CYB5D2: variants seen among roughly 807,000 people sequenced by gnomAD.
CYB5D2 encodes cytochrome b5 domain containing 2.
A neutral mutation model predicts 22.8 loss-of-function variants in CYB5D2; 23 were observed. That is an observed-to-expected ratio of 1.01 (90% CI 0.73 to 1.43). The LOEUF (loss-of-function observed/expected upper bound fraction) is 1.43, where lower values mean the gene tolerates loss of function less well. Ranked by LOEUF, CYB5D2 falls within the 40% of genes most tolerant of loss-of-function variation. The probability of loss-of-function intolerance (pLI) is 0.00; values close to 1 mark genes in which losing one functional copy is unlikely to be tolerated. For missense variants in CYB5D2, 373 were observed against 357.2 expected (o/e 1.04, Z -0.36); for synonymous variants, 170 against 152.2 (o/e 1.12, Z -0.86).
At position 4,157,151 on chromosome 17, in the gene CYB5D2, G is replaced by C; in HGVS notation, c.*69G>C. ...GCACCTGAGTAGGCCCTTGACACTT[G>C]TGTGCCCTGGGATGCCTCCTGGCGC... On this transcript the variant is annotated 3_prime_UTR_variant, in exon 4 of 4. Coordinates refer to ENST00000301391, the MANE Select transcript of CYB5D2 (RefSeq NM_144611.4). This position sits in a 1 kb window ranked among gnomAD's most constrained non-coding sequence, Gnocchi z 4.4. The C allele has an allele frequency of 8.4e-6, 13 of 1,541,730 alleles. No homozygotes were observed. Among genetic ancestry groups the C allele is most frequent in the Non-Finnish European group, 1.2e-5 (13 of 1,130,172 alleles).
At chr17:4,147,767 T>C (rs1398053284) in intron 1 of CYB5D2, among the ~76,000 whole-genome samples, 4 of 151,998 alleles carry the variant, frequency 2.6e-5, no homozygotes, top group Non-Finnish European at 4.4e-5. Flanking sequence ...GCAGGAGAAT[T>C]GCTTGAACCT....
At chr17:4,145,501 T>G (rs2058980185) in intron 1 of CYB5D2, among the ~76,000 whole-genome samples, 1 of 152,322 alleles carries the variant, frequency 6.6e-6, no homozygotes, top group African/African-American at 2.4e-5. Flanking sequence ...GAGCTGTCGT[T>G]GGATGTTTGC....
Position 4,150,018 on chromosome 17 carries a change from TTA to T in CYB5D2, c.380_381del (p.Tyr127CysfsTer82). On this transcript the variant is annotated frameshift_variant, in exon 2 of 4. Coordinates refer to ENST00000301391, the MANE Select transcript of CYB5D2 (RefSeq NM_144611.4). LOFTEE classifies it high-confidence loss of function. The stretch of plus-strand genomic sequence containing the variant: ...ATTGGCTTTCATTCTATGAGAAGAA[TTA>T]TGTGTGTGTTGGTAAGTCGTCCATA... Reference protein sequence around the residue: ...HNWLSFYEKNYVCVGRVTGRF... With the variant: ...HNWLSFYEKNXVCVGRVTGRF... The T allele has an allele frequency of 6.2e-7, 1 of 1,614,068 alleles. No homozygotes were observed. Among genetic ancestry groups the T allele is most frequent in the Non-Finnish European group, 8.5e-7 (1 of 1,180,012 alleles).
At chr17:4,149,798 CA>C (rs138353200) in intron 1 of CYB5D2, 92 bp from the exon 2 acceptor site, 2,974 of 1,319,834 alleles carry the variant, frequency 2.3e-3, no homozygotes, top group East Asian at 4.1e-3. Context: ...GACTCCGTCT[CA>C]AAAAAAAAAG....
chr17:4,154,664 G>C lies in CYB5D2; in HGVS notation c.392-10G>C. 1 of 1,611,964 alleles carries C rather than the reference G, an allele frequency of 6.2e-7. No individual in the cohort carries two copies. Among genetic ancestry groups the C allele is most frequent in the Non-Finnish European group, 8.5e-7 (1 of 1,178,830 alleles). The stretch of plus-strand genomic sequence containing the variant: ...CACTCTCACTCACATCTGCCTTCCT[G>C]TCATCACAGGGAGGGTGACAGGACG... On this transcript the variant is annotated splice_polypyrimidine_tract_variant and intron_variant, in intron 2 of 3. Transcript: ENST00000301391.
intron 1 of CYB5D2, among the ~76,000 whole-genome samples, chr17:4,145,699 G>A (rs955326969): frequency 7.2e-5 from 11 of 152,190 alleles, no homozygotes; most frequent in African/African-American, 1.7e-4. Flanking sequence ...CAGTCTAGTT[G>A]GGAAGCAGTT....
At chr17:4,152,005 CA>C (rs112798736) in intron 2 of CYB5D2, among the ~76,000 whole-genome samples, 4,719 of 88,616 alleles carry the variant, frequency 0.053, 175 homozygotes, top group African/African-American at 0.16. Flanking sequence ...GACCCTGTCT[CA>C]AAAAAAAAAA....
chr17:4,156,758 G>A, intron 3 of CYB5D2, 108 bp from the exon 4 acceptor site: 1 of 1,198,676 alleles, frequency 8.3e-7, no homozygotes, highest in Middle Eastern at 2.9e-4. Context: ...GAAACACTCT[G>A]GTAGGCTTCT....
At chr17:4,153,926 T>C (rs1039127775) in intron 2 of CYB5D2, among the ~76,000 whole-genome samples, 1 of 152,216 alleles carries the variant, frequency 6.6e-6, no homozygotes, top group Non-Finnish European at 1.5e-5. Context: ...AAGGTAAAGC[T>C]AGTTCTTAGG....
intron 1 of CYB5D2, 68 bp downstream of exon 1, chr17:4,144,073 G>A: frequency 6.6e-7 from 1 of 1,518,616 alleles, no homozygotes; most frequent in Non-Finnish European, 8.8e-7. Context: ...CGCGTCGTTC[G>A]TTGGTTCATT....
Position 4,157,226 on chromosome 17 carries a change from C to A in CYB5D2, c.*144C>A. ...CTGGCTATATTCTGCAAATGTGGCT[C>A]ATGCCCCTTACCGTGGCTCGGCGTT... is the stretch of plus-strand genomic sequence containing the variant. On this transcript the variant is annotated 3_prime_UTR_variant, in exon 4 of 4. Transcript: ENST00000301391. This position sits in a 1 kb window ranked among gnomAD's most constrained non-coding sequence, Gnocchi z 4.4. 1.0e-6 allele frequency: 1 copy of A among 958,150 alleles called. No individual in the cohort carries two copies. The highest frequency in any genetic ancestry group is 1.5e-6 in the Non-Finnish European group (1 of 646,468). The allele number at this position is 958,150 out of a possible 1,614,324, so 59.4% of individuals were successfully genotyped here.
rs554100229 is a variant in CYB5D2 at position 4,146,979 on chromosome 17, G to GA, written c.251-2908dup. Among the ~76,000 whole-genome samples the GA allele has an allele frequency of 1.7e-3, 254 of 152,218 alleles. 1 individual carries two copies. The highest frequency in any genetic ancestry group is 5.7e-3 in the African/African-American group (236 of 41,532). ...AGCAGTGCATTATTCCTTTATGGCT[G>GA]AAAATATTCTATAGATACTATAATT... On this transcript the variant is annotated intron_variant, in intron 1 of 3. Coordinates refer to ENST00000301391, the MANE Select transcript of CYB5D2 (RefSeq NM_144611.4).
intron 1 of CYB5D2, among the ~76,000 whole-genome samples, chr17:4,147,821 C>A (rs2059009723): frequency 1.3e-5 from 2 of 152,216 alleles, no homozygotes; most frequent in African/African-American, 4.8e-5. Context: ...CCATTGCACT[C>A]CAGCCTGGGC....
In CYB5D2 at chr17:4,157,097, T is replaced by G; in HGVS notation, c.*15T>G. ...TTCCACTCTAAGCCGTAGCCTCTTC[T>G]GTTAATAACACACAGAGAGCTCTGC... On this transcript the variant is annotated 3_prime_UTR_variant, in exon 4 of 4. Coordinates refer to ENST00000301391, the MANE Select transcript of CYB5D2 (RefSeq NM_144611.4). This position sits in a 1 kb window ranked among gnomAD's most constrained non-coding sequence, Gnocchi z 4.4. The G allele has an allele frequency of 6.2e-7, 1 of 1,611,600 alleles. No individual in the cohort carries two copies. The highest frequency in any genetic ancestry group is 8.5e-7 in the Non-Finnish European group (1 of 1,179,682).
chr17:4,146,455 A>T (rs1025055921), intron 1 of CYB5D2, among the ~76,000 whole-genome samples: 1 of 151,818 alleles, frequency 6.6e-6, no homozygotes, highest in Non-Finnish European at 1.5e-5. Context: ...CAGTGGCGCA[A>T]TCTTGGCTCA....
At chr17:4,145,493 G>A (rs191575447) in intron 1 of CYB5D2, among the ~76,000 whole-genome samples, 1 of 152,332 alleles carries the variant, frequency 6.6e-6, no homozygotes, top group African/African-American at 2.4e-5. Context: ...TGCTGTGGGA[G>A]CTGTCGTTGG....
chr17:4,150,608 G>A (rs575359556), intron 2 of CYB5D2, among the ~76,000 whole-genome samples: 2 of 152,306 alleles, frequency 1.3e-5, no homozygotes, highest in South Asian at 4.2e-4. Flanking sequence ...CACTAGGCCC[G>A]GCGCAGTGGC....
At position 4,143,680 on chromosome 17, in the gene CYB5D2, C is replaced by A; in HGVS notation, c.-76C>A. 1 of 1,521,012 alleles carries A rather than the reference C, an allele frequency of 6.6e-7. No individual in the cohort carries two copies. Among genetic ancestry groups the A allele is most frequent in the South Asian group, 1.3e-5 (1 of 76,520 alleles). 94.2% of individuals were successfully genotyped at this position (1,521,012 alleles called of 1,614,324 possible). Reference sequence around the variant, plus strand: ...GAGAGCGCGCGCGCCGATGACGTCACGCTCGGCGTCTCGGCCATCTTAGCT... The same window carrying A: ...GAGAGCGCGCGCGCCGATGACGTCAAGCTCGGCGTCTCGGCCATCTTAGCT... On this transcript the variant is annotated 5_prime_UTR_variant, in exon 1 of 4. Transcript: ENST00000301391.
chr17:4,146,114 T>G (rs1227030860), intron 1 of CYB5D2, among the ~76,000 whole-genome samples: 1 of 151,998 alleles, frequency 6.6e-6, no homozygotes, highest in African/African-American at 2.4e-5. Context: ...TTTTTATTTT[T>G]CGAGATAAAC....
Sources: gnomAD v4.1 joint callset for allele counts (sites outside exome capture counted in the v4.1 genomes callset) on GRCh38, gnomAD v4.1.1 for gene constraint, Gnocchi (gnomAD v3.1) non-coding constraint, MANE v1.5 for transcripts, NCBI Gene and HGNC (gene_info 2026-07-23, HGNC 2026-07-21) for gene names.